Variants in CNTNAP5 observed in about 807,000 individuals in gnomAD.
The protein encoded by CNTNAP5 is contactin-associated protein-like 5.
Under a neutral mutation model 150.2 loss-of-function variants are expected in CNTNAP5, and 72 were observed. The ratio of observed to expected loss-of-function variants is 0.48; its 90% CI spans 0.40 to 0.58. The LOEUF is 0.58. CNTNAP5 is among the 20% of genes least tolerant of loss of function. The pLI is 0.00. For synonymous variants in CNTNAP5, 672 were observed against 619.8 expected, an observed-to-expected ratio of 1.08 and a Z score of -1.25; for missense variants, 1,636 against 1,626.2, an observed-to-expected ratio of 1.01 and a Z score of -0.10.
chr2:124,254,633 T>A (rs371639014), intron 3 of CNTNAP5, among the ~76,000 whole-genome samples: 28 of 152,208 alleles, frequency 1.8e-4, no homozygotes, highest in Admixed American at 2.0e-4. Flanking sequence ...TTTAAGTCAG[T>A]TCCCAGTAAA....
chr2:124,603,065 TCTTC>T (rs1697022808), intron 11 of CNTNAP5, among the ~76,000 whole-genome samples: 1 of 148,730 alleles, frequency 6.7e-6, no homozygotes, highest in Non-Finnish European at 1.5e-5. Context: ...CTTCTTCTTT[TCTTC>T]CTTTCTTTCT....
intron 3 of CNTNAP5, among the ~76,000 whole-genome samples, chr2:124,325,128 C>T (rs927757126): frequency 1.3e-5 from 2 of 152,110 alleles, no homozygotes; most frequent in African/African-American, 4.8e-5. Context: ...GTGAAGCCTT[C>T]ATGAATGGGA....
intron 11 of CNTNAP5, among the ~76,000 whole-genome samples, chr2:124,566,878 T>C (rs1486254146): frequency 6.6e-6 from 1 of 152,170 alleles, no homozygotes; most frequent in Non-Finnish European, 1.5e-5. Flanking sequence ...GTGCAGAAGA[T>C]GGCACACAGG....
intron 21 of CNTNAP5, among the ~76,000 whole-genome samples, chr2:124,895,326 T>C (rs779409794): frequency 1.3e-5 from 2 of 151,608 alleles, no homozygotes; most frequent in Non-Finnish European, 2.9e-5. Flanking sequence ...GTGTCCAAGG[T>C]ACTTTGCTAA....
intron 10 of CNTNAP5, among the ~76,000 whole-genome samples, chr2:124,539,162 C>A (rs1173620026): frequency 6.6e-6 from 1 of 152,148 alleles, no homozygotes; most frequent in Non-Finnish European, 1.5e-5. Context: ...GTCTGACCTG[C>A]AGTAAAAGGT....
intron 12 of CNTNAP5, among the ~76,000 whole-genome samples, chr2:124,641,797 G>A (rs780355259): frequency 6.6e-6 from 1 of 152,206 alleles, no homozygotes; most frequent in Non-Finnish European, 1.5e-5. Flanking sequence ...TTCCTTCCAA[G>A]CACATTGATA....
intron 13 of CNTNAP5, among the ~76,000 whole-genome samples, chr2:124,738,279 G>T (rs1404531706): frequency 1.3e-5 from 2 of 152,122 alleles, no homozygotes; most frequent in Admixed American, 1.3e-4. Context: ...TAATGCTTTT[G>T]TCGTATCAGG....
At chr2:124,847,326 G>T (rs1683070027) in intron 19 of CNTNAP5, among the ~76,000 whole-genome samples, 1 of 152,112 alleles carries the variant, frequency 6.6e-6, no homozygotes, top group Admixed American at 6.6e-5. Context: ...CGAGTCCAAT[G>T]GAGTTATATT....
intron 4 of CNTNAP5, among the ~76,000 whole-genome samples, chr2:124,430,507 G>C (rs927808358): frequency 1.3e-5 from 2 of 152,178 alleles, no homozygotes; most frequent in Admixed American, 6.5e-5. Context: ...GGAGCAGTGT[G>C]AGGGTTGAAG....
chr2:124,119,849 C>G (rs1490198407), intron 1 of CNTNAP5, among the ~76,000 whole-genome samples: 1 of 152,174 alleles, frequency 6.6e-6, no homozygotes, highest in Non-Finnish European at 1.5e-5. Flanking sequence ...AAGGAAGAAA[C>G]CACTGCAGGC....
At chr2:124,740,034 A>G (rs1473069273) in intron 13 of CNTNAP5, among the ~76,000 whole-genome samples, 4 of 151,602 alleles carry the variant, frequency 2.6e-5, no homozygotes, top group Non-Finnish European at 5.9e-5. Flanking sequence ...ACCATTGAAT[A>G]TAATATATGC....
chr2:124,283,810 T>A (rs920592175), intron 3 of CNTNAP5, among the ~76,000 whole-genome samples: 3 of 152,224 alleles, frequency 2.0e-5, no homozygotes, highest in Admixed American at 1.3e-4. Flanking sequence ...TGGCACCTCC[T>A]AGCTGTGTCT....
intron 19 of CNTNAP5, among the ~76,000 whole-genome samples, chr2:124,850,903 T>C (rs989859227): frequency 3.3e-5 from 5 of 152,198 alleles, no homozygotes; most frequent in African/African-American, 1.2e-4. Context: ...AGTTCATTGG[T>C]GAATTAATAA....
chr2:124,444,892 G>T (rs543500663), intron 5 of CNTNAP5, among the ~76,000 whole-genome samples: 2 of 151,988 alleles, frequency 1.3e-5, no homozygotes, highest in Non-Finnish European at 2.9e-5. Context: ...TCACAGCACC[G>T]CACTCTGCAT....
chr2:124,792,689 C>T (rs1026162339), intron 18 of CNTNAP5, among the ~76,000 whole-genome samples: 3 of 152,168 alleles, frequency 2.0e-5, no homozygotes, highest in Non-Finnish European at 2.9e-5. Flanking sequence ...TCCCAGTTAC[C>T]TCTTCCCGTG....
intron 1 of CNTNAP5, among the ~76,000 whole-genome samples, chr2:124,125,074 C>A (rs979297901): frequency 1.2e-4 from 18 of 152,070 alleles, no homozygotes; most frequent in African/African-American, 4.3e-4. Context: ...ATTAACCTTA[C>A]ATGTAAATGG....
chr2:124,129,611 T>C (rs1683797410), intron 1 of CNTNAP5, among the ~76,000 whole-genome samples: 1 of 152,204 alleles, frequency 6.6e-6, no homozygotes, highest in South Asian at 2.1e-4. Context: ...GCAGGGGTTT[T>C]CTTATTCTCT....
At chr2:124,160,522 GC>G (rs139982803) in intron 1 of CNTNAP5, among the ~76,000 whole-genome samples, 12,495 of 42,638 alleles carry the variant, frequency 0.29, 706 homozygotes, top group Non-Finnish European at 0.42. Flanking sequence ...TTCTGTCTTT[GC>G]CTTTTTTTTT....
chr2:124,188,772 A>G (rs1020721900), intron 1 of CNTNAP5, among the ~76,000 whole-genome samples: 3 of 150,554 alleles, frequency 2.0e-5, no homozygotes, highest in Non-Finnish European at 4.4e-5. Flanking sequence ...AGAGAGAAAG[A>G]GAGAGAGACA....
Sources: gnomAD v4.1 joint callset for allele counts (sites outside exome capture counted in the v4.1 genomes callset) on GRCh38, gnomAD v4.1.1 for gene constraint, MANE v1.5 for transcripts, NCBI Gene and HGNC (gene_info 2026-07-23, HGNC 2026-07-21) for gene names.